INO80: variants seen among roughly 807,000 people sequenced by gnomAD.
The protein encoded by INO80 is INO80 complex ATPase subunit.
INO80 carries 20 observed loss-of-function variants against 203.4 expected under a neutral mutation model. The observed-to-expected ratio is 0.10, with a 90% confidence interval of 0.07 to 0.14. The LOEUF (loss-of-function observed/expected upper bound fraction) is 0.14, where lower values mean the gene tolerates loss of function less well. INO80 is among the 10% of genes least tolerant of loss of function. The pLI is 1.00. For missense variants in INO80, 1,419 were observed against 1,914.4 expected (o/e 0.74, Z 4.83); for synonymous variants, 726 against 685.2 (o/e 1.06, Z -0.93).
chr15:41,047,044 G>A (rs1404095608), intron 23 of INO80, among the ~76,000 whole-genome samples: 6 of 148,040 alleles, frequency 4.1e-5, no homozygotes, highest in Non-Finnish European at 7.5e-5. Context: ...CTCAGCTCAC[G>A]GCAACCTCCA....
intron 15 of INO80, 55 bp from the exon 16 acceptor site, chr15:41,058,836 G>A (rs768092669): frequency 1.1e-4 from 164 of 1,551,458 alleles, no homozygotes; most frequent in Non-Finnish European, 1.4e-4. Context: ...TCATAATAAG[G>A]AACTGATGTA....
chr15:41,025,727 A>C (rs2044365932), intron 25 of INO80, among the ~76,000 whole-genome samples: 1 of 152,006 alleles, frequency 6.6e-6, no homozygotes, highest in Admixed American at 6.6e-5. Context: ...AAACAAAAAC[A>C]AAAAACCCCA....
intron 28 of INO80, among the ~76,000 whole-genome samples, chr15:41,001,768 A>G (rs889150613): frequency 1.3e-5 from 2 of 152,328 alleles, no homozygotes; most frequent in East Asian, 3.9e-4. Context: ...ATCTTGTATG[A>G]AAGGAATGTA....
intron 6 of INO80, among the ~76,000 whole-genome samples, chr15:41,087,208 T>C (rs2045576162): frequency 6.6e-6 from 1 of 152,074 alleles, no homozygotes; most frequent in South Asian, 2.1e-4. Context: ...CTCTAAACAA[T>C]ATAGGATAAC....
chr15:41,032,033 C>CACAGCACAGCACAGG (rs2044491025), intron 24 of INO80, among the ~76,000 whole-genome samples: 1 of 92,892 alleles, frequency 1.1e-5, no homozygotes, highest in Admixed American at 1.1e-4. Flanking sequence ...CACAGCACAG[C>CACAGCACAGCACAGG]ACAGCACAGC....
chr15:40,991,305 G>A (rs938240952), intron 29 of INO80, among the ~76,000 whole-genome samples: 14 of 152,092 alleles, frequency 9.2e-5, no homozygotes, highest in East Asian at 1.9e-4. Flanking sequence ...CCTGTGCAGC[G>A]GAAAATATGA....
At chr15:41,068,961 T>G (rs987031407) in intron 14 of INO80, among the ~76,000 whole-genome samples, 50 of 152,310 alleles carry the variant, frequency 3.3e-4, no homozygotes, top group African/African-American at 1.2e-3. Context: ...GGATGTGTAC[T>G]GATGGTATGA....
chr15:41,104,387 A>G (rs180891924), intron 1 of INO80, among the ~76,000 whole-genome samples: 1 of 152,250 alleles, frequency 6.6e-6, no homozygotes, highest in Admixed American at 6.5e-5. Context: ...AACTCTGATC[A>G]TATTTCAGCT....
Position 40,978,935 on chromosome 15 carries a change from AAAGG to A in INO80, c.*1284_*1287del, listed in dbSNP as rs1893701772. 6.6e-6 allele frequency: 1 copy of A among 152,614 alleles called. No individual in the cohort carries two copies. Among genetic ancestry groups the A allele is most frequent in the Admixed American group, 6.5e-5 (1 of 15,278 alleles). The allele number at this position is 152,614 out of a possible 1,614,324, so 9.5% of individuals were successfully genotyped here. On this transcript the variant is annotated 3_prime_UTR_variant, in exon 36 of 36. Transcript: ENST00000648947. ...TTAAGATTTTTTTATCCAGTTAGTA[AAAGG>A]AAGATGTGTCTCTCTTTATACATAT...
intron 14 of INO80, among the ~76,000 whole-genome samples, chr15:41,061,501 T>C (rs1358243245): frequency 1.4e-5 from 2 of 144,358 alleles, no homozygotes; most frequent in African/African-American, 5.2e-5. Context: ...CACACACCTG[T>C]AGTCGCAACT....
chr15:41,055,403 T>A lies in INO80; in HGVS notation c.2071-39A>T, dbSNP rs774267679. Reference sequence around the variant, plus strand: ...CAAAAATGAAATAGCTATAGAGCAATAAAATGACAGCGTGTAAGGATGTAT... The same window carrying A: ...CAAAAATGAAATAGCTATAGAGCAAAAAAATGACAGCGTGTAAGGATGTAT... On this transcript the variant is annotated intron_variant, in intron 17 of 35. Transcript: ENST00000648947. 2.9e-6 allele frequency: 4 copies of A among 1,362,020 alleles called. No individual in the cohort carries two copies. In the South Asian group the frequency reaches 4.8e-5, roughly 16 times the overall value. 84.4% of individuals were successfully genotyped at this position (1,362,020 alleles called of 1,614,324 possible). A position where few individuals can be genotyped will look rare whatever the true frequency, so the allele number is the denominator to read the frequency against.
At chr15:41,081,858 T>C (rs1288610199) in intron 7 of INO80, among the ~76,000 whole-genome samples, 2 of 152,060 alleles carry the variant, frequency 1.3e-5, no homozygotes, top group African/African-American at 4.8e-5. Context: ...AGACAGCAAA[T>C]TTAAGGGAAT....
In INO80 at chr15:41,085,518, G is replaced by A. The variant is rs750659871; in HGVS notation, c.724C>T (p.Arg242Cys). The A allele has an allele frequency of 9.3e-6, 15 of 1,614,174 alleles. No individual in the cohort carries two copies. The highest frequency in any genetic ancestry group is 6.7e-5 in the Admixed American group (4 of 60,008). The change falls in exon 7 of 36, where the codon CGT (arginine) becomes TGT (cysteine). Residue 242 changes from arginine to cysteine, a missense_variant. Transcript: ENST00000648947. ...ACTTTGGTCTGGTGGTGATGGCGAC[G>A]AGGGGATTCTTCAGAGGAAAGTTCT... is the stretch of plus-strand genomic sequence containing the variant. ...DEELSSEESP[R>C]RHHHQTKVFA... is the part of the protein sequence containing the mutation.
At chr15:41,010,224 G>T (rs981015631) in intron 27 of INO80, among the ~76,000 whole-genome samples, 2 of 152,168 alleles carry the variant, frequency 1.3e-5, no homozygotes, top group African/African-American at 4.8e-5. Flanking sequence ...TTCACTAACT[G>T]CCAGTCACTG....
At chr15:40,990,309 T>C (rs1319660725) in intron 29 of INO80, among the ~76,000 whole-genome samples, 2 of 152,212 alleles carry the variant, frequency 1.3e-5, no homozygotes, top group Admixed American at 6.5e-5. Context: ...GTGTCAATTA[T>C]TTCATGTGTA....
intron 11 of INO80, 150 bp from the exon 12 acceptor site, chr15:41,072,208 CAT>C (rs1368748449): frequency 1.8e-6 from 1 of 544,700 alleles, no homozygotes; most frequent in East Asian, 3.1e-5. Flanking sequence ...AACGTAGTAT[CAT>C]ATGACATCAT....
intron 29 of INO80, among the ~76,000 whole-genome samples, chr15:40,989,103 C>T (rs149791158): frequency 2.1e-4 from 32 of 151,642 alleles, no homozygotes; most frequent in Admixed American, 3.3e-4. Context: ...TGCTTGAACC[C>T]AGGAGGCGGG....
chr15:41,057,475 A>AG (rs2045008324), intron 16 of INO80, among the ~76,000 whole-genome samples: 1 of 151,026 alleles, frequency 6.6e-6, no homozygotes, highest in Admixed American at 6.6e-5. Context: ...AAAAAAAAAA[A>AG]AAGATTGCTG....
At chr15:41,008,492 G>A (rs771973315) in intron 27 of INO80, among the ~76,000 whole-genome samples, 6 of 152,158 alleles carry the variant, frequency 3.9e-5, no homozygotes, top group South Asian at 2.1e-4. Flanking sequence ...AAAAATCCTG[G>A]AGATCTAATG....
Sources: gnomAD v4.1 joint callset for allele counts (sites outside exome capture counted in the v4.1 genomes callset) on GRCh38, gnomAD v4.1.1 for gene constraint, MANE v1.5 for transcripts, NCBI Gene and HGNC (gene_info 2026-07-23, HGNC 2026-07-21) for gene names.